The following SYNE2 variants were observed in gnomAD, a reference collection of about 807,000 sequenced individuals.
SYNE2 encodes the protein spectrin repeat containing nuclear envelope protein 2, also known as nesprin-2.
In SYNE2, 431 loss-of-function variants were observed where a neutral mutation model predicts 856.3. That is an observed-to-expected ratio of 0.50 (90% CI 0.47 to 0.55). The LOEUF is 0.55. Among genes scored for constraint, SYNE2 ranks in the 20% least tolerant of loss-of-function variants. The pLI is 0.00. For synonymous variants in SYNE2, 2,923 were observed against 2,872.3 expected (o/e 1.02, Z -0.56); for missense variants, 8,129 against 8,023.2 (o/e 1.01, Z -0.50).
At chr14:64,151,709 G>A (rs770754687) in intron 84 of SYNE2, among the ~76,000 whole-genome samples, 7 of 152,178 alleles carry the variant, frequency 4.6e-5, no homozygotes, top group East Asian at 1.9e-4. Context: ...ATGCAGAAGC[G>A]CGTCCCAAAT....
chr14:63,814,519 TTATATATATCCATATATAA>T (rs1888768050), intron 1 of SYNE2, among the ~76,000 whole-genome samples: 1 of 115,282 alleles, frequency 8.7e-6, no homozygotes, highest in East Asian at 2.3e-4. Context: ...TATATATCCA[TTATATATATCCATATATAA>T]TATATATATC....
chr14:64,039,290 C>CCATA (rs2097128929), intron 45 of SYNE2, among the ~76,000 whole-genome samples: 1 of 152,196 alleles, frequency 6.6e-6, no homozygotes, highest in South Asian at 2.1e-4. Context: ...TAGCCATGGG[C>CCATA]CATAGCCCCT....
chr14:63,855,968 T>C (rs1407845520), intron 1 of SYNE2, among the ~76,000 whole-genome samples: 1 of 152,158 alleles, frequency 6.6e-6, no homozygotes, highest in Non-Finnish European at 1.5e-5. Flanking sequence ...GACATTTAAC[T>C]GAGACTTGAA....
intron 11 of SYNE2, among the ~76,000 whole-genome samples, chr14:63,972,367 G>C (rs1181901059): frequency 6.6e-6 from 1 of 152,130 alleles, no homozygotes; most frequent in Non-Finnish European, 1.5e-5. Context: ...TATTTTACAA[G>C]ATTAAGTACT....
intron 1 of SYNE2, among the ~76,000 whole-genome samples, chr14:63,835,017 TAAATA>T (rs1482459800): frequency 7.2e-5 from 11 of 152,118 alleles, no homozygotes; most frequent in African/African-American, 1.7e-4. Flanking sequence ...AGATAACAAG[TAAATA>T]AAATAAAATA....
At chr14:64,086,275 A>G (rs555687687) in intron 57 of SYNE2, among the ~76,000 whole-genome samples, 7 of 152,330 alleles carry the variant, frequency 4.6e-5, no homozygotes, top group Admixed American at 2.6e-4. Context: ...TCACCATTAA[A>G]TTACTTCGGC....
At chr14:64,123,891 C>CT (rs751630524) in intron 70 of SYNE2, among the ~76,000 whole-genome samples, 8,391 of 140,438 alleles carry the variant, frequency 0.06, 746 homozygotes, top group African/African-American at 0.2. Context: ...CACACACCAC[C>CT]TTTTTTTTTT....
At chr14:64,195,623 G>A (rs146451291) in intron 99 of SYNE2, among the ~76,000 whole-genome samples, 13 of 152,332 alleles carry the variant, frequency 8.5e-5, no homozygotes, top group Non-Finnish European at 1.8e-4. Flanking sequence ...AAATGTTACC[G>A]TTAAACTCAG....
At chr14:64,132,502 G>A in intron 77 of SYNE2, 64 bp downstream of exon 77, 1 of 1,590,630 alleles carries the variant, frequency 6.3e-7, no homozygotes, top group South Asian at 1.1e-5. Context: ...CACCACCCCA[G>A]GTGTTGAGAA....
chr14:64,163,649 C>T, intron 89 of SYNE2, 68 bp downstream of exon 89: 1 of 1,585,618 alleles, frequency 6.3e-7, no homozygotes, highest in Non-Finnish European at 8.6e-7. Flanking sequence ...TCCCTTGTAT[C>T]CTTTGAAGCA....
chr14:64,115,359 G>T (rs942369939), intron 66 of SYNE2, among the ~76,000 whole-genome samples: 1 of 152,136 alleles, frequency 6.6e-6, no homozygotes, highest in African/African-American at 2.4e-5. Flanking sequence ...TAGACTGGGG[G>T]TCAGGCCACC....
intron 32 of SYNE2, among the ~76,000 whole-genome samples, chr14:64,012,590 T>C (rs866088025): frequency 6.6e-6 from 1 of 152,242 alleles, no homozygotes; most frequent in Non-Finnish European, 1.5e-5. Flanking sequence ...TTTTTAAAAT[T>C]AATAAAATAA....
At chr14:64,050,601 T>C (rs2097218262) in intron 47 of SYNE2, among the ~76,000 whole-genome samples, 1 of 152,238 alleles carries the variant, frequency 6.6e-6, no homozygotes, top group African/African-American at 2.4e-5. Flanking sequence ...TAGTTTGGTA[T>C]ATATTGAATA....
intron 1 of SYNE2, among the ~76,000 whole-genome samples, chr14:63,900,254 A>T (rs1043339472): frequency 7.9e-5 from 12 of 152,220 alleles, no homozygotes; most frequent in African/African-American, 2.4e-4. Flanking sequence ...GTTTTCCAAA[A>T]GTGTAATGCA....
chr14:63,861,702 G>A (rs943863196), intron 1 of SYNE2, among the ~76,000 whole-genome samples: 6 of 152,028 alleles, frequency 3.9e-5, no homozygotes, highest in Non-Finnish European at 5.9e-5. Context: ...TGGGAGGATC[G>A]CCTGAGCCTG....
chr14:64,018,327 C>T (rs992724198), intron 34 of SYNE2, among the ~76,000 whole-genome samples: 8 of 152,154 alleles, frequency 5.3e-5, no homozygotes, highest in African/African-American at 1.9e-4. Context: ...GCAACCTCCG[C>T]CTCCTAGGTT....
At chr14:64,101,768 G>C (rs1186283221) in intron 63 of SYNE2, among the ~76,000 whole-genome samples, 164 bp from the exon 64 acceptor site, 1 of 152,100 alleles carries the variant, frequency 6.6e-6, no homozygotes, top group Non-Finnish European at 1.5e-5. Flanking sequence ...GATATAGTTA[G>C]TAAAAAAAAT....
intron 1 of SYNE2, among the ~76,000 whole-genome samples, chr14:63,854,978 A>G (rs1891365597): frequency 6.6e-6 from 1 of 152,234 alleles, no homozygotes; most frequent in Non-Finnish European, 1.5e-5. Context: ...TTTTAAATAT[A>G]TATTTTCAAT....
intron 84 of SYNE2, among the ~76,000 whole-genome samples, chr14:64,147,085 C>T (rs913446766): frequency 6.6e-6 from 1 of 151,556 alleles, no homozygotes; most frequent in Non-Finnish European, 1.5e-5. Context: ...TGGAAGCCTA[C>T]ATTCCGCAGC....
Sources: allele counts gnomAD v4.1 joint callset (sites outside exome capture counted in the v4.1 genomes callset), GRCh38; gene constraint gnomAD v4.1.1; transcripts MANE v1.5; gene names NCBI Gene and HGNC (gene_info 2026-07-23, HGNC 2026-07-21).